EYS: variants seen among roughly 807,000 people sequenced by gnomAD.
The protein encoded by EYS is protein eyes shut homolog.
In EYS, 250 loss-of-function variants were observed where a neutral mutation model predicts 282.1. The observed-to-expected ratio is 0.89, with a 90% confidence interval of 0.80 to 0.98. The LOEUF (loss-of-function observed/expected upper bound fraction) is 0.98, where lower values mean the gene tolerates loss of function less well. Ranked by LOEUF, EYS falls within the 50% of genes least tolerant of loss-of-function variation. The pLI is 0.00. For missense variants in EYS, 4,016 were observed against 3,709.0 expected (o/e 1.08, Z -2.15); for synonymous variants, 1,355 against 1,282.9 (o/e 1.06, Z -1.20).
intron 22 of EYS, among the ~76,000 whole-genome samples, chr6:64,807,092 C>T (rs1270737736): frequency 2.0e-5 from 3 of 152,040 alleles, no homozygotes; most frequent in Non-Finnish European, 4.4e-5. Context: ...TTATGGATTT[C>T]TGAAAGCAGT....
At chr6:64,486,968 A>G (rs932287076) in intron 26 of EYS, among the ~76,000 whole-genome samples, 3 of 151,412 alleles carry the variant, frequency 2.0e-5, no homozygotes, top group African/African-American at 7.3e-5. Flanking sequence ...AATAAATGAC[A>G]TAGCTAGGAT....
intron 22 of EYS, among the ~76,000 whole-genome samples, chr6:64,720,228 A>G (rs1771531736): frequency 6.6e-6 from 1 of 152,160 alleles, no homozygotes; most frequent in South Asian, 2.1e-4. Flanking sequence ...CCAGCAGTGC[A>G]GCATCTTCAC....
chr6:63,806,133 T>C (rs910972238), intron 37 of EYS, 57 bp downstream of exon 37: 41 of 1,382,244 alleles, frequency 3.0e-5, no homozygotes, highest in African/African-American at 4.4e-5. Context: ...CCCTGAGGAA[T>C]CTCTAAAGTA....
At chr6:65,606,296 A>C (rs1421205043) in intron 2 of EYS, among the ~76,000 whole-genome samples, 1 of 151,826 alleles carries the variant, frequency 6.6e-6, no homozygotes, top group Non-Finnish European at 1.5e-5. Context: ...AAGTAAAACT[A>C]TTTATTGCTT....
rs570241345 is a variant in EYS at position 64,368,915 on chromosome 6, C to T, written c.6078+19775G>A. Among the ~76,000 whole-genome samples the T allele has an allele frequency of 2.6e-5, 4 of 152,082 alleles. No homozygotes were observed. The East Asian group carries it at 7.8e-4, about 29-fold the overall frequency. ...AGGAGCTCTTTAGCTTAATTAGGTC[C>T]CATTTGTCAGCTTTTGTTTTTGATG... On this transcript the variant is annotated intron_variant, in intron 29 of 42. Transcript: ENST00000503581.
In EYS at chr6:65,654,859, T is replaced by A. The variant is rs1337268321; in HGVS notation, c.-447-14967A>T. On this transcript the variant is annotated intron_variant, in intron 1 of 42. Coordinates refer to ENST00000503581, the MANE Select transcript of EYS (RefSeq NM_001142800.2). ...AGACCAGCTCATTAAGTTTACCATA[T>A]ACAACTATGGTAATTTGTTTTTAAA... Among the ~76,000 whole-genome samples the A allele has an allele frequency of 2.0e-5, 3 of 151,360 alleles. No homozygotes were observed. The East Asian group carries it at 5.9e-4, about 30-fold the overall frequency.
At chr6:64,032,457 TG>T (rs1364661521) in intron 33 of EYS, among the ~76,000 whole-genome samples, 1 of 152,238 alleles carries the variant, frequency 6.6e-6, no homozygotes, top group African/African-American at 2.4e-5. Flanking sequence ...ACACCAAATG[TG>T]TGGGTTTTCT....
At chr6:65,177,596 G>A (rs1310311830) in intron 12 of EYS, among the ~76,000 whole-genome samples, 2 of 151,614 alleles carry the variant, frequency 1.3e-5, no homozygotes, top group African/African-American at 2.4e-5. Context: ...ATCTGTGTAT[G>A]TGCATATAGG....
At position 63,881,445 on chromosome 6, in the gene EYS, A is replaced by C. The variant is rs184740947; in HGVS notation, c.7056-17087T>G. ...TTTTATTTTATTGTATTTAGCAAGA[A>C]TCGTTTGAAGTTTTGTTTATTGGTC... On this transcript the variant is annotated intron_variant, in intron 35 of 42. Coordinates refer to ENST00000503581, the MANE Select transcript of EYS (RefSeq NM_001142800.2). Among the ~76,000 whole-genome samples, 242 of 152,308 alleles carry C rather than the reference A, an allele frequency of 1.6e-3. 1 individual carries two copies. Among genetic ancestry groups the C allele is most frequent in the African/African-American group, 5.5e-3 (229 of 41,564 alleles).
At chr6:64,685,843 C>T (rs886467579) in intron 22 of EYS, among the ~76,000 whole-genome samples, 1 of 151,632 alleles carries the variant, frequency 6.6e-6, no homozygotes, top group South Asian at 2.1e-4. Flanking sequence ...ATCAAAATAC[C>T]CTATCTTTTC....
intron 36 of EYS, among the ~76,000 whole-genome samples, chr6:63,833,903 C>T (rs573159485): frequency 5.3e-4 from 80 of 152,240 alleles, no homozygotes; most frequent in African/African-American, 1.9e-3. Flanking sequence ...GGAAATAATA[C>T]CACACGTCCA....
intron 12 of EYS, among the ~76,000 whole-genome samples, chr6:65,165,997 G>A (rs1189916784): frequency 6.6e-6 from 1 of 150,742 alleles, no homozygotes; most frequent in Non-Finnish European, 1.5e-5. Context: ...AATAATAAAG[G>A]CTAATATTTA....
intron 36 of EYS, among the ~76,000 whole-genome samples, chr6:63,858,731 A>G (rs1772456191): frequency 6.6e-6 from 1 of 152,172 alleles, no homozygotes; most frequent in Non-Finnish European, 1.5e-5. Context: ...GAAATGAGGG[A>G]TACTAAGATG....
chr6:65,416,741 C>T (rs1767255885), intron 5 of EYS, among the ~76,000 whole-genome samples: 1 of 151,890 alleles, frequency 6.6e-6, no homozygotes, highest in South Asian at 2.1e-4. Context: ...ATTTTATTCA[C>T]TCAAGTTCGT....
At chr6:65,125,753 C>T (rs993093922) in intron 12 of EYS, among the ~76,000 whole-genome samples, 2 of 152,052 alleles carry the variant, frequency 1.3e-5, no homozygotes, top group Non-Finnish European at 2.9e-5. Context: ...CATGTAAACC[C>T]CTTCCCCTCC....
At chr6:64,340,091 T>A (rs936001907) in intron 29 of EYS, among the ~76,000 whole-genome samples, 2 of 151,738 alleles carry the variant, frequency 1.3e-5, no homozygotes, top group African/African-American at 4.8e-5. Flanking sequence ...GTATGCACAT[T>A]TAACAATTTA....
intron 8 of EYS, among the ~76,000 whole-genome samples, chr6:65,355,480 T>A (rs888272539): frequency 2.6e-5 from 4 of 152,088 alleles, no homozygotes; most frequent in Non-Finnish European, 5.9e-5. Flanking sequence ...TAAGACTTGA[T>A]TAACCTAAAA....
intron 33 of EYS, among the ~76,000 whole-genome samples, chr6:64,029,484 G>A (rs116293333): frequency 0.027 from 4,051 of 152,250 alleles, 65 homozygotes; most frequent in Non-Finnish European, 0.04. Context: ...TAGATACCAG[G>A]TACTCCTCCT....
chr6:65,372,252 A>C (rs879593593), intron 8 of EYS, among the ~76,000 whole-genome samples: 6 of 152,080 alleles, frequency 3.9e-5, no homozygotes, highest in Non-Finnish European at 8.8e-5. Flanking sequence ...CTTTGATATA[A>C]CAAACAACAC....
Sources: allele counts gnomAD v4.1 joint callset (sites outside exome capture counted in the v4.1 genomes callset), GRCh38; gene constraint gnomAD v4.1.1; transcripts MANE v1.5; gene names NCBI Gene and HGNC (gene_info 2026-07-23, HGNC 2026-07-21).